KIAA1958: variants seen among roughly 807,000 people sequenced by gnomAD.
The protein encoded by KIAA1958 is KIAA1958.
KIAA1958 carries 14 observed loss-of-function variants against 47.2 expected under a neutral mutation model. That is an observed-to-expected ratio of 0.30 (90% CI 0.20 to 0.46). KIAA1958 has a LOEUF of 0.46. KIAA1958 is among the 20% of genes least tolerant of loss of function. The pLI, the probability that KIAA1958 is intolerant of heterozygous loss-of-function variation, is 1.00. For missense variants in KIAA1958, 803 were observed against 909.2 expected (o/e 0.88, Z 1.50); for synonymous variants, 354 against 353.3 (o/e 1.00, Z -0.02).
intron 2 of KIAA1958, among the ~76,000 whole-genome samples, chr9:112,577,994 A>G (rs907497821): frequency 3.3e-5 from 5 of 152,164 alleles, no homozygotes; most frequent in African/African-American, 1.2e-4. Context: ...CACTATGAAG[A>G]CTGGTCATGA....
chr9:112,517,660 A>C (rs1166411096), intron 1 of KIAA1958, among the ~76,000 whole-genome samples: 3 of 152,212 alleles, frequency 2.0e-5, no homozygotes, highest in Non-Finnish European at 4.4e-5. Flanking sequence ...AATACAAACC[A>C]CTGGGAGAAA....
chr9:112,524,350 G>A (rs939437500), intron 1 of KIAA1958, among the ~76,000 whole-genome samples: 5 of 152,232 alleles, frequency 3.3e-5, no homozygotes, highest in African/African-American at 1.2e-4. Context: ...CATGGCTTTG[G>A]CGTGCTCCGC....
chr9:112,493,822 C>T (rs1834010652), intron 1 of KIAA1958, among the ~76,000 whole-genome samples: 1 of 151,936 alleles, frequency 6.6e-6, no homozygotes, highest in Admixed American at 6.6e-5. Context: ...TTTTTTTTCC[C>T]CTCAACTATC....
rs76738881 is a variant in KIAA1958, at chr9:112,531,910, C to T, written c.-24-42147C>T. The stretch of plus-strand genomic sequence containing the variant: ...GATCAACTGGAGCAGAGTTGGAGAC[C>T]GAGGACCCTAAAGCTCTTGGAGCAA... On this transcript the variant is annotated intron_variant, in intron 1 of 3. Transcript: ENST00000337530. Among the ~76,000 whole-genome samples the T allele has an allele frequency of 6.5e-4, 99 of 152,226 alleles. 1 individual carries two copies. In the East Asian group the frequency reaches 0.015, roughly 23 times the overall value.
intron 1 of KIAA1958, among the ~76,000 whole-genome samples, chr9:112,500,801 G>T (rs1834122494): frequency 6.6e-6 from 1 of 152,058 alleles, no homozygotes. Context: ...AGGTTAGTTG[G>T]TTTGGCCATG....
At chr9:112,519,567 A>G (rs1205577741) in intron 1 of KIAA1958, among the ~76,000 whole-genome samples, 1 of 152,196 alleles carries the variant, frequency 6.6e-6, no homozygotes, top group East Asian at 1.9e-4. Context: ...TCTTCTGAAC[A>G]TTAATTTACC....
At chr9:112,536,957 T>C (rs1834865161) in intron 1 of KIAA1958, among the ~76,000 whole-genome samples, 1 of 152,046 alleles carries the variant, frequency 6.6e-6, no homozygotes, top group Non-Finnish European at 1.5e-5. Flanking sequence ...ATGGTCATCA[T>C]CAAGGAAAAG....
intron 2 of KIAA1958, among the ~76,000 whole-genome samples, chr9:112,591,972 C>T (rs1289377014): frequency 6.6e-6 from 1 of 152,144 alleles, no homozygotes; most frequent in South Asian, 2.1e-4. Flanking sequence ...TTATCCCTGA[C>T]GCACGTGGCC....
intron 1 of KIAA1958, among the ~76,000 whole-genome samples, chr9:112,517,327 T>C (rs1391649788): frequency 6.6e-6 from 1 of 152,236 alleles, no homozygotes; most frequent in African/African-American, 2.4e-5. Flanking sequence ...CTTGAAGAAT[T>C]GTATGTCTAT....
At chr9:112,582,235 A>G (rs1010390810) in intron 2 of KIAA1958, among the ~76,000 whole-genome samples, 1 of 152,222 alleles carries the variant, frequency 6.6e-6, no homozygotes, top group Non-Finnish European at 1.5e-5. Context: ...TGACTAGAGA[A>G]GTATAATTGG....
At chr9:112,657,253 C>T (rs557623169) in intron 3 of KIAA1958, among the ~76,000 whole-genome samples, 5 of 151,934 alleles carry the variant, frequency 3.3e-5, no homozygotes, top group East Asian at 1.9e-4. Flanking sequence ...CCACTATGCC[C>T]GGCTAATTTT....
chr9:112,647,149 A>G (rs1242316859), intron 3 of KIAA1958, among the ~76,000 whole-genome samples: 2 of 152,078 alleles, frequency 1.3e-5, no homozygotes, highest in African/African-American at 2.4e-5. Flanking sequence ...GTACTTGAAG[A>G]CAGGGAAACA....
At chr9:112,650,482 T>G (rs1837039340) in intron 3 of KIAA1958, among the ~76,000 whole-genome samples, 1 of 152,076 alleles carries the variant, frequency 6.6e-6, no homozygotes, top group Non-Finnish European at 1.5e-5. Flanking sequence ...TGCGGAGTGG[T>G]ATAGTATTTG....
At position 112,585,698 on chromosome 9, in the gene KIAA1958, G is replaced by T. The variant is rs531718423; in HGVS notation, c.1171+10447G>T. ...GCATTGGAGAGGAGGAGACAGGCAG[G>T]TGTTTCAGGAGTTAAAATACAGAAC... is the stretch of plus-strand genomic sequence containing the variant. On this transcript the variant is annotated intron_variant, in intron 2 of 3. Transcript: ENST00000337530. Among the ~76,000 whole-genome samples the T allele has an allele frequency of 3.3e-5, 5 of 152,308 alleles. No individual in the cohort carries two copies. In the South Asian group the frequency reaches 1.0e-3, roughly 32 times the overall value.
chr9:112,606,493 T>G (rs1167796180), intron 2 of KIAA1958, among the ~76,000 whole-genome samples: 1 of 152,260 alleles, frequency 6.6e-6, no homozygotes, highest in Non-Finnish European at 1.5e-5. Context: ...TGAGACCATT[T>G]TGCCCATCTC....
intron 2 of KIAA1958, among the ~76,000 whole-genome samples, chr9:112,602,853 C>T (rs1338907572): frequency 6.6e-6 from 1 of 152,170 alleles, no homozygotes; most frequent in African/African-American, 2.4e-5. Flanking sequence ...TTATGCCACT[C>T]ACTTTTGTTT....
intron 2 of KIAA1958, among the ~76,000 whole-genome samples, chr9:112,612,872 C>G (rs1836349623): frequency 6.6e-6 from 1 of 152,134 alleles, no homozygotes; most frequent in African/African-American, 2.4e-5. Context: ...AAATGCCTAT[C>G]CGTAGGGAGT....
At chr9:112,654,674 A>C (rs1018593354) in intron 3 of KIAA1958, among the ~76,000 whole-genome samples, 2 of 148,640 alleles carry the variant, frequency 1.3e-5, no homozygotes, top group Admixed American at 6.7e-5. Context: ...AGGGAGTTGC[A>C]AGTGACAACA....
At chr9:112,589,517 G>A (rs949514520) in intron 2 of KIAA1958, among the ~76,000 whole-genome samples, 3 of 152,152 alleles carry the variant, frequency 2.0e-5, no homozygotes, top group Admixed American at 6.5e-5. Flanking sequence ...ACTTGAACCC[G>A]GGAGGTGGAG....
Sources: allele counts gnomAD v4.1 joint callset (sites outside exome capture counted in the v4.1 genomes callset), GRCh38; gene constraint gnomAD v4.1.1; transcripts MANE v1.5; gene names NCBI Gene and HGNC (gene_info 2026-07-23, HGNC 2026-07-21).